The following DIAPH3 variants were observed in gnomAD, a reference collection of about 807,000 sequenced individuals.
DIAPH3 encodes protein diaphanous homolog 3.
A neutral mutation model predicts 144.3 loss-of-function variants in DIAPH3; 117 were observed. The ratio of observed to expected loss-of-function variants is 0.81; its 90% CI spans 0.70 to 0.95. The LOEUF is 0.95. Among genes scored for constraint, DIAPH3 ranks in the 40% least tolerant of loss-of-function variants. The pLI is 0.00. For missense variants in DIAPH3, 1,421 were observed against 1,412.7 expected (o/e 1.01, Z -0.09); for synonymous variants, 519 against 488.9 (o/e 1.06, Z -0.81).
At chr13:59,717,037 CAAAG>C (rs1388872472) in intron 27 of DIAPH3, among the ~76,000 whole-genome samples, 2 of 151,356 alleles carry the variant, frequency 1.3e-5, no homozygotes, top group African/African-American at 4.9e-5. Flanking sequence ...GCAACAGAAA[CAAAG>C]AACAGTATAG....
At chr13:59,917,889 C>CAAAAAAAAAAAA (rs60792156) in intron 18 of DIAPH3, among the ~76,000 whole-genome samples, 1 of 18,642 alleles carries the variant, frequency 5.4e-5, no homozygotes, top group African/African-American at 1.6e-4. Context: ...GACTCTGTCT[C>CAAAAAAAAAAAA]AAAAAAAAAA....
rs2034781675 is a variant in DIAPH3, at chr13:59,712,163, A to G, written c.3320-45317T>C. Among the ~76,000 whole-genome samples the G allele has an allele frequency of 2.0e-5, 3 of 152,232 alleles. No homozygotes were observed. In the South Asian group the frequency reaches 6.2e-4, roughly 31 times the overall value. On this transcript the variant is annotated intron_variant, in intron 27 of 27. Coordinates refer to ENST00000400324, the MANE Select transcript of DIAPH3 (RefSeq NM_001042517.2). ...AGCATTATATCCAGCTGGTAATGACAAGAGAAACAGAGAGGCAGAAAGAGG... is the reference window on the plus strand; with the variant it reads ...AGCATTATATCCAGCTGGTAATGACGAGAGAAACAGAGAGGCAGAAAGAGG...
At chr13:59,914,858 G>A (rs561980966) in intron 19 of DIAPH3, among the ~76,000 whole-genome samples, 59 of 152,230 alleles carry the variant, frequency 3.9e-4, no homozygotes, top group Non-Finnish European at 7.1e-4. Flanking sequence ...TGTTTTACAG[G>A]AATGTAAGAT....
intron 18 of DIAPH3, among the ~76,000 whole-genome samples, chr13:59,920,196 C>T (rs2047438948): frequency 1.3e-5 from 2 of 151,876 alleles, no homozygotes; most frequent in South Asian, 4.2e-4. Context: ...ATAAGTCCTT[C>T]ACTATCAATA....
chr13:60,108,337 G>A (rs537944457), intron 3 of DIAPH3, among the ~76,000 whole-genome samples: 4 of 152,102 alleles, frequency 2.6e-5, no homozygotes, highest in African/African-American at 7.2e-5. Flanking sequence ...GGCCAGGCAC[G>A]GTGGCTCACA....
chr13:59,887,941 T>A (rs2045554705), intron 20 of DIAPH3, among the ~76,000 whole-genome samples: 1 of 152,166 alleles, frequency 6.6e-6, no homozygotes, highest in South Asian at 2.1e-4. Context: ...TTATTTTTGT[T>A]ATTGTATACT....
At chr13:59,929,554 C>CTTTTTTTTT (rs1167902415) in intron 17 of DIAPH3, among the ~76,000 whole-genome samples, 21 of 56,086 alleles carry the variant, frequency 3.7e-4, no homozygotes, top group African/African-American at 5.7e-4. Context: ...AAATTTTGTT[C>CTTTTTTTTT]TTTTTTTTTT....
chr13:59,714,514 A>AAC (rs1304973007), intron 27 of DIAPH3, among the ~76,000 whole-genome samples: 1 of 152,212 alleles, frequency 6.6e-6, no homozygotes, highest in African/African-American at 2.4e-5. Flanking sequence ...TAGCCTGGGC[A>AAC]ACACAGTGAG....
chr13:59,813,064 G>A (rs1334489192), intron 24 of DIAPH3, among the ~76,000 whole-genome samples: 2 of 151,472 alleles, frequency 1.3e-5, no homozygotes, highest in East Asian at 1.9e-4. Context: ...ATTTCCCTCC[G>A]ATGACACAAA....
chr13:60,113,629 C>T (rs1182171353), intron 2 of DIAPH3, among the ~76,000 whole-genome samples: 2 of 152,074 alleles, frequency 1.3e-5, no homozygotes, highest in East Asian at 1.9e-4. Context: ...AACCAGAAAA[C>T]GTATAAAGTT....
intron 4 of DIAPH3, among the ~76,000 whole-genome samples, chr13:60,068,989 T>C (rs972806147): frequency 6.6e-6 from 1 of 152,184 alleles, no homozygotes; most frequent in Non-Finnish European, 1.5e-5. Flanking sequence ...TATATTCCTT[T>C]GGGTATATAC....
intron 19 of DIAPH3, among the ~76,000 whole-genome samples, 163 bp downstream of exon 19, chr13:59,915,992 G>A (rs1300896298): frequency 1.3e-5 from 2 of 152,142 alleles, no homozygotes; most frequent in East Asian, 3.8e-4. Flanking sequence ...AGAAGATGCA[G>A]CTTTCTCTCC....
intron 27 of DIAPH3, among the ~76,000 whole-genome samples, chr13:59,739,208 G>C (rs565127907): frequency 6.6e-6 from 1 of 152,178 alleles, no homozygotes; most frequent in African/African-American, 2.4e-5. Flanking sequence ...TGATCCTTTA[G>C]AATAATGTGC....
intron 5 of DIAPH3, among the ~76,000 whole-genome samples, chr13:60,017,296 G>A (rs2053717727): frequency 6.6e-6 from 1 of 151,516 alleles, no homozygotes; most frequent in Non-Finnish European, 1.5e-5. Flanking sequence ...CCAGCTACTC[G>A]GAGAGGCTAA....
At chr13:59,998,297 T>C (rs1381302733) in intron 9 of DIAPH3, among the ~76,000 whole-genome samples, 1 of 152,142 alleles carries the variant, frequency 6.6e-6, no homozygotes, top group African/African-American at 2.4e-5. Context: ...ATTAATTTCT[T>C]CTATGTCCTC....
intron 13 of DIAPH3, among the ~76,000 whole-genome samples, chr13:59,983,205 T>TA (rs5803980): frequency 5.1e-4 from 64 of 125,084 alleles, no homozygotes; most frequent in East Asian, 1.4e-3. Context: ...ATTCCAAGTT[T>TA]AAAAAAAAAA....
At chr13:60,051,680 G>C (rs2056352761) in intron 4 of DIAPH3, among the ~76,000 whole-genome samples, 1 of 152,050 alleles carries the variant, frequency 6.6e-6, no homozygotes, top group Non-Finnish European at 1.5e-5. Context: ...TACTATACAA[G>C]GGGAGAGACT....
intron 27 of DIAPH3, among the ~76,000 whole-genome samples, chr13:59,703,026 C>T (rs1168356994): frequency 1.3e-5 from 2 of 152,150 alleles, no homozygotes; most frequent in Non-Finnish European, 2.9e-5. Context: ...CTCTCTATCC[C>T]TTTTCCTAAT....
intron 27 of DIAPH3, among the ~76,000 whole-genome samples, chr13:59,726,136 T>C (rs1248811958): frequency 6.6e-6 from 1 of 152,250 alleles, no homozygotes; most frequent in Non-Finnish European, 1.5e-5. Flanking sequence ...TAGATTTGCA[T>C]GTATTATTTC....
Sources: gnomAD v4.1 joint callset for allele counts (sites outside exome capture counted in the v4.1 genomes callset) on GRCh38, gnomAD v4.1.1 for gene constraint, MANE v1.5 for transcripts, NCBI Gene and HGNC (gene_info 2026-07-23, HGNC 2026-07-21) for gene names.